The following LUC7L2 variants were observed in gnomAD, a reference collection of about 807,000 sequenced individuals.
LUC7L2 encodes the protein putative RNA-binding protein Luc7-like 2.
A neutral mutation model predicts 52.8 loss-of-function variants in LUC7L2; 25 were observed. That is an observed-to-expected ratio of 0.47 (90% confidence interval 0.34 to 0.66). LUC7L2 has a LOEUF of 0.66. LUC7L2 is among the 30% of genes least tolerant of loss of function. The probability of loss-of-function intolerance (pLI) is 0.01; values close to 1 mark genes in which losing one functional copy is unlikely to be tolerated. For synonymous variants in LUC7L2, 144 were observed against 160.9 expected (o/e 0.89, Z 0.80); for missense variants, 328 against 497.8 (o/e 0.66, Z 3.25).
rs555638846 is a variant in LUC7L2, at chr7:139,417,598, G to T, written c.870G>T (p.Arg290Ser). The T allele has an allele frequency of 6.2e-7, 1 of 1,614,046 alleles. No individual in the cohort carries two copies. The highest frequency in any genetic ancestry group is 1.3e-5 in the African/African-American group (1 of 74,918). Residue 290 changes from arginine (R) to serine (S), a missense_variant, in exon 9 of 10, where the codon AGG becomes AGT. Coordinates refer to ENST00000354926, the MANE Select transcript of LUC7L2 (RefSeq NM_016019.5). ...RSRSMSRERK[R>S]RTRSKSREKR... ...GCTCCATGTCACGTGAACGCAAGAG[G>T]AGAACTCGATCCAAATCTCGGGAGA...
chr7:139,390,253 T>A (rs1430128505), intron 2 of LUC7L2, among the ~76,000 whole-genome samples: 2 of 151,818 alleles, frequency 1.3e-5, no homozygotes, highest in African/African-American at 2.4e-5. Context: ...TTTTCTTATT[T>A]TTTTTTTTAT....
chr7:139,362,749 A>C (rs1051794985), intron 1 of LUC7L2, among the ~76,000 whole-genome samples: 5 of 151,606 alleles, frequency 3.3e-5, no homozygotes, highest in African/African-American at 1.2e-4. Flanking sequence ...CTGAAGTGGC[A>C]CAGAGTCCTG....
chr7:139,360,139 C>A lies in LUC7L2; in HGVS notation c.-123C>A. On this transcript the variant is annotated 5_prime_UTR_variant, in exon 1 of 10. Transcript: ENST00000354926. The stretch of plus-strand genomic sequence containing the variant: ...CCCCTCCGGCTCCCTTTCCGCACGC[C>A]TCGAGGCGGCGGCGGCCACCGAGAC... 1.6e-6 allele frequency: 1 copy of A among 643,884 alleles called. No individual in the cohort carries two copies. Among genetic ancestry groups the A allele is most frequent in the African/African-American group, 2.3e-5 (1 of 43,756 alleles). The allele number at this position is 643,884 out of a possible 1,614,324, so 39.9% of individuals were successfully genotyped here.
intron 1 of LUC7L2, among the ~76,000 whole-genome samples, chr7:139,364,587 AT>A (rs1411072714): frequency 6.6e-6 from 1 of 152,032 alleles, no homozygotes; most frequent in Non-Finnish European, 1.5e-5. Flanking sequence ...TACAGTAGTT[AT>A]AGTTTGTGGG....
chr7:139,376,294 G>C, intron 2 of LUC7L2, 138 bp downstream of exon 2: 1 of 872,124 alleles, frequency 1.1e-6, no homozygotes, highest in African/African-American at 1.7e-5. Context: ...TATTCAGGAT[G>C]ATTACTTAAA....
intron 1 of LUC7L2, chr7:139,345,070 A>C (rs1799208271): frequency 6.3e-6 from 1 of 158,028 alleles, no homozygotes; most frequent in South Asian, 1.8e-4. Context: ...AAGTCACAGA[A>C]ATATAAATAA....
intron 2 of LUC7L2, among the ~76,000 whole-genome samples, chr7:139,385,481 C>G (rs1411695153): frequency 6.6e-6 from 1 of 151,910 alleles, no homozygotes; most frequent in Non-Finnish European, 1.5e-5. Flanking sequence ...GCCACCATTC[C>G]CAGCTAATTT....
intron 9 of LUC7L2, among the ~76,000 whole-genome samples, chr7:139,420,030 C>T (rs1795816464): frequency 6.7e-6 from 1 of 150,036 alleles, no homozygotes; most frequent in Non-Finnish European, 1.5e-5. Context: ...TTCTCCTTTC[C>T]CTACTGTGAA....
intron 3 of LUC7L2, among the ~76,000 whole-genome samples, chr7:139,399,625 A>G (rs1201708124): frequency 6.6e-6 from 1 of 151,316 alleles, no homozygotes; most frequent in Non-Finnish European, 1.5e-5. Flanking sequence ...GCCTGCCACC[A>G]CACCCAGCTA....
intron 2 of LUC7L2, among the ~76,000 whole-genome samples, chr7:139,386,407 T>G (rs957720922): frequency 6.8e-6 from 1 of 147,302 alleles, no homozygotes; most frequent in Non-Finnish European, 1.5e-5. Context: ...ACTGGAAATT[T>G]TTTTTTTTTT....
Position 139,371,274 on chromosome 7 carries a change from G to A in LUC7L2, c.62-4788G>A, listed in dbSNP as rs137948649. The stretch of plus-strand genomic sequence containing the variant: ...TTTTTGTAAATTGCTTGCCATGAAT[G>A]CCTGATAATGTACAGTGAAATAGGA... On this transcript the variant is annotated intron_variant, in intron 1 of 9. Coordinates refer to ENST00000354926, the MANE Select transcript of LUC7L2 (RefSeq NM_016019.5). The A allele has an allele frequency of 2.9e-4, 184 of 627,544 alleles. 1 individual carries two copies. The East Asian group carries it at 5.0e-3, about 17-fold the overall frequency. The allele number at this position is 627,544 out of a possible 1,614,324, so 38.9% of individuals were successfully genotyped here. A position where few individuals can be genotyped will look rare whatever the true frequency, so the allele number is the denominator to read the frequency against.
Position 139,351,553 on chromosome 7 carries a change from C to CAGATAGGGGAAATG in LUC7L2, c.-26+11037_-26+11038insGATAGGGGAAATGA, listed in dbSNP as rs1369477876. Among the ~76,000 whole-genome samples, 4 of 152,336 alleles carry CAGATAGGGGAAATG rather than the reference C, an allele frequency of 2.6e-5. No homozygotes were observed. The East Asian group carries it at 7.7e-4, about 29-fold the overall frequency. On this transcript the variant is annotated intron_variant, in intron 1 of 10. Coordinates refer to the LUC7L2 transcript ENST00000541170. ...TTCAAGTCCATTTTCCCCTATGCAA[C>CAGATAGGGGAAATG]ACAGATCTGTTCTTGTCATTCTACT...
chr7:139,418,745 A>G (rs1368138222), intron 9 of LUC7L2, among the ~76,000 whole-genome samples: 1 of 152,182 alleles, frequency 6.6e-6, no homozygotes, highest in Non-Finnish European at 1.5e-5. Flanking sequence ...TTAATTGTAT[A>G]TGTTTTACTG....
chr7:139,362,097 C>T, intron 1 of LUC7L2, among the ~76,000 whole-genome samples: 1 of 151,312 alleles, frequency 6.6e-6, no homozygotes, highest in African/African-American at 2.4e-5. Flanking sequence ...TTTTATGTGT[C>T]TGTTACTGGA....
chr7:139,409,663 T>C lies in LUC7L2; in HGVS notation c.779+9T>C, dbSNP rs2131299404. Reference sequence around the variant, plus strand: ...AGGGAGAAGCTGAGGAGGTATGGAGTAATGGGCCAAGTAATTGAAGTTGAA... The same window carrying C: ...AGGGAGAAGCTGAGGAGGTATGGAGCAATGGGCCAAGTAATTGAAGTTGAA... On this transcript the variant is annotated intron_variant, in intron 7 of 9. Transcript: ENST00000354926. 6.3e-7 allele frequency: 1 copy of C among 1,586,812 alleles called. No homozygotes were observed. The highest frequency in any genetic ancestry group is 8.6e-7 in the Non-Finnish European group (1 of 1,168,784).
intron 1 of LUC7L2, chr7:139,371,511 A>G: frequency 9.1e-7 from 1 of 1,104,132 alleles, no homozygotes. Flanking sequence ...AATCTATGAA[A>G]GTTGATTTGG....
chr7:139,395,183 G>A (rs759014386), intron 2 of LUC7L2, among the ~76,000 whole-genome samples: 3 of 152,150 alleles, frequency 2.0e-5, no homozygotes, highest in Non-Finnish European at 2.9e-5. Context: ...TTTAGAAATT[G>A]TTAATTTCAG....
At position 139,423,010 on chromosome 7, in the gene LUC7L2, A is replaced by T. The variant is rs1484483581; in HGVS notation, c.*670A>T. On this transcript the variant is annotated 3_prime_UTR_variant, in exon 10 of 10. Transcript: ENST00000354926. The stretch of plus-strand genomic sequence containing the variant: ...CGTCTTGATTTTTCTGTTCTGTTGA[A>T]TTGCTATGTTCAGGATGTTCTAGGG... 2.5e-6 allele frequency: 1 copy of T among 398,528 alleles called. No homozygotes were observed. The highest frequency in any genetic ancestry group is 2.1e-5 in the African/African-American group (1 of 48,494). 24.7% of individuals were successfully genotyped at this position (398,528 alleles called of 1,614,324 possible). A position where few individuals can be genotyped will look rare whatever the true frequency, so the allele number is the denominator to read the frequency against.
intron 1 of LUC7L2, 149 bp from the exon 2 acceptor site, chr7:139,375,913 C>T: frequency 1.4e-6 from 1 of 713,236 alleles, no homozygotes; most frequent in Non-Finnish European, 2.2e-6. Context: ...AATAGTTTTT[C>T]TATAGGATGT....
Sources: gnomAD v4.1 joint callset for allele counts (sites outside exome capture counted in the v4.1 genomes callset) on GRCh38, gnomAD v4.1.1 for gene constraint, MANE v1.5 for transcripts, NCBI Gene and HGNC (gene_info 2026-07-23, HGNC 2026-07-21) for gene names.